OPCML: variants seen among roughly 807,000 people sequenced by gnomAD.
The protein encoded by OPCML is opioid binding protein/cell adhesion molecule like, also known as opioid-binding protein/cell adhesion molecule.
A neutral mutation model predicts 37.8 loss-of-function variants in OPCML; 13 were observed. That is an observed-to-expected ratio of 0.34 (90% confidence interval 0.22 to 0.55). The LOEUF is 0.55. Among genes scored for constraint, OPCML ranks in the 20% least tolerant of loss-of-function variants. The pLI is 0.91. For missense variants in OPCML, 341 were observed against 435.6 expected (o/e 0.78, Z 1.93); for synonymous variants, 176 against 168.8 (o/e 1.04, Z -0.33).
intron 4 of OPCML, among the ~76,000 whole-genome samples, chr11:132,489,476 G>A (rs2096209431): frequency 6.6e-6 from 1 of 152,192 alleles, no homozygotes; most frequent in South Asian, 2.1e-4. Context: ...ATTTTCTGCT[G>A]TATGTAATTA....
At chr11:133,133,229 C>T (rs187725249) in intron 1 of OPCML, among the ~76,000 whole-genome samples, 2 of 152,108 alleles carry the variant, frequency 1.3e-5, no homozygotes, top group Non-Finnish European at 2.9e-5. Context: ...TGGCCTCAGG[C>T]CCCTGGGTGG....
At chr11:132,955,409 G>A (rs1945955771) in intron 1 of OPCML, among the ~76,000 whole-genome samples, 4 of 152,102 alleles carry the variant, frequency 2.6e-5, no homozygotes, top group Non-Finnish European at 5.9e-5. Flanking sequence ...AAAAAATAGT[G>A]ACAGTTGTCA....
intron 2 of OPCML, among the ~76,000 whole-genome samples, chr11:132,791,935 G>A (rs1305464773): frequency 6.6e-6 from 1 of 152,118 alleles, no homozygotes; most frequent in Non-Finnish European, 1.5e-5. Flanking sequence ...TTAGTACAAG[G>A]ACTACCACAT....
At chr11:132,535,241 A>G (rs1219357283) in intron 3 of OPCML, among the ~76,000 whole-genome samples, 1 of 152,062 alleles carries the variant, frequency 6.6e-6, no homozygotes, top group Admixed American at 6.6e-5. Flanking sequence ...CTAACCATCA[A>G]TTTCCTCCTC....
At chr11:132,573,852 T>C (rs2096443898) in intron 3 of OPCML, among the ~76,000 whole-genome samples, 1 of 152,032 alleles carries the variant, frequency 6.6e-6, no homozygotes, top group Non-Finnish European at 1.5e-5. Flanking sequence ...TGAAGCCATC[T>C]GGACCTGGGC....
intron 3 of OPCML, among the ~76,000 whole-genome samples, chr11:132,559,382 A>G (rs2096405440): frequency 6.6e-6 from 1 of 152,162 alleles, no homozygotes; most frequent in African/African-American, 2.4e-5. Flanking sequence ...GGAGATGGAA[A>G]AGTTTTCAGG....
At chr11:133,479,707 G>A (rs1001055906) in intron 1 of OPCML, among the ~76,000 whole-genome samples, 5 of 152,162 alleles carry the variant, frequency 3.3e-5, no homozygotes, top group African/African-American at 9.7e-5. Context: ...CACCCAAGTC[G>A]CACAGTCTCG....
intron 4 of OPCML, among the ~76,000 whole-genome samples, chr11:132,445,569 A>C (rs1197717004): frequency 6.6e-6 from 1 of 152,230 alleles, no homozygotes; most frequent in Non-Finnish European, 1.5e-5. Flanking sequence ...AGATGTTCTC[A>C]TCCCTGGGGG....
At chr11:132,584,421 A>G (rs1008728172) in intron 3 of OPCML, among the ~76,000 whole-genome samples, 2 of 152,244 alleles carry the variant, frequency 1.3e-5, no homozygotes, top group Non-Finnish European at 2.9e-5. Flanking sequence ...TTTGAAGGTC[A>G]ATTATTCCTT....
At position 132,784,903 on chromosome 11, in the gene OPCML, AC is replaced by A. The variant is rs1947156911; in HGVS notation, c.147-127585del. On this transcript the variant is annotated intron_variant, in intron 2 of 7. Coordinates refer to ENST00000524381, the MANE Select transcript of OPCML (RefSeq NM_001012393.5). ...CTGTGCTTCTTATACAGTCTGCAGA[AC>A]CATGAGTCAAATAAACCTCTTTTCT... Among the ~76,000 whole-genome samples, 7 of 152,310 alleles carry A rather than the reference AC, an allele frequency of 4.6e-5. No homozygotes were observed. In the South Asian group the frequency reaches 1.4e-3, roughly 32 times the overall value.
chr11:133,140,914 GAAGA>G (rs1949790772), intron 1 of OPCML, among the ~76,000 whole-genome samples: 1 of 23,410 alleles, frequency 4.3e-5, no homozygotes, highest in African/African-American at 7.6e-5. Flanking sequence ...CGACGAAGAA[GAAGA>G]AGACGACGAC....
chr11:132,825,254 TAC>T (rs1940231995), intron 2 of OPCML, among the ~76,000 whole-genome samples: 1 of 152,190 alleles, frequency 6.6e-6, no homozygotes, highest in African/African-American at 2.4e-5. Context: ...ATGAATACAT[TAC>T]TTAGAGTCTA....
chr11:133,180,155 C>T (rs1937755123), intron 1 of OPCML, among the ~76,000 whole-genome samples: 1 of 152,118 alleles, frequency 6.6e-6, no homozygotes, highest in South Asian at 2.1e-4. Flanking sequence ...TCACACAGTC[C>T]CCTAACCTTT....
At chr11:132,730,187 T>G (rs754865604) in intron 2 of OPCML, among the ~76,000 whole-genome samples, 83 of 151,888 alleles carry the variant, frequency 5.5e-4, no homozygotes, top group Non-Finnish European at 8.5e-4. Context: ...TAATTTTTTT[T>G]GTATTTTCAG....
intron 2 of OPCML, among the ~76,000 whole-genome samples, chr11:132,687,732 A>G (rs928729290): frequency 6.6e-5 from 10 of 152,070 alleles, no homozygotes; most frequent in African/African-American, 2.2e-4. Flanking sequence ...CCCAAATTGA[A>G]GTACTAAGTA....
chr11:133,395,941 G>C (rs1239526040), intron 1 of OPCML, among the ~76,000 whole-genome samples: 1 of 152,194 alleles, frequency 6.6e-6, no homozygotes, highest in African/African-American at 2.4e-5. Context: ...TATGTTGATA[G>C]AGATTGCATT....
In OPCML at chr11:132,414,987, A is replaced by G. The variant is rs1439405511; in HGVS notation, c.*5206T>C. ...ATAAACAGCCCCCCAAAAGTTACAA[A>G]TTTCTCGAACTTTATTGGTACACTG... is the stretch of plus-strand genomic sequence containing the variant. On this transcript the variant is annotated 3_prime_UTR_variant, in exon 8 of 8. Transcript: ENST00000524381. 1 of 152,480 alleles carries G rather than the reference A, an allele frequency of 6.6e-6. No homozygotes were observed. Among genetic ancestry groups the G allele is most frequent in the African/African-American group, 2.4e-5 (1 of 41,390 alleles). The allele number at this position is 152,480 out of a possible 1,614,324, so 9.4% of individuals were successfully genotyped here. A position where few individuals can be genotyped will look rare whatever the true frequency, so the allele number is the denominator to read the frequency against.
chr11:133,334,314 G>GA (rs926484045), intron 1 of OPCML, among the ~76,000 whole-genome samples: 32 of 151,838 alleles, frequency 2.1e-4, no homozygotes, highest in Admixed American at 1.0e-3. Flanking sequence ...ATGCAGCAGT[G>GA]AAAAAAAAGA....
intron 1 of OPCML, among the ~76,000 whole-genome samples, chr11:133,503,767 A>C (rs1044911666): frequency 6.6e-6 from 1 of 152,176 alleles, no homozygotes; most frequent in Non-Finnish European, 1.5e-5. Context: ...TCTGACTTCT[A>C]TCTCAAAGAT....
Sources: gnomAD v4.1 joint callset for allele counts (sites outside exome capture counted in the v4.1 genomes callset) on GRCh38, gnomAD v4.1.1 for gene constraint, MANE v1.5 for transcripts, NCBI Gene and HGNC (gene_info 2026-07-23, HGNC 2026-07-21) for gene names.